SMG6: variants seen among roughly 807,000 people sequenced by gnomAD.
SMG6 encodes telomerase-binding protein EST1A.
Under a neutral mutation model 142.2 loss-of-function variants are expected in SMG6, and 66 were observed. That is an observed-to-expected ratio of 0.46 (90% CI 0.38 to 0.57). The LOEUF (loss-of-function observed/expected upper bound fraction) is 0.57. Among genes scored for constraint, SMG6 ranks in the 20% least tolerant of loss-of-function variants. The pLI, the probability that SMG6 is intolerant of heterozygous loss-of-function variation, is 0.00. For missense variants in SMG6, 1,793 were observed against 1,832.0 expected, an observed-to-expected ratio of 0.98 and a Z score of 0.39; for synonymous variants, 779 against 702.4, an observed-to-expected ratio of 1.11 and a Z score of -1.72.
At chr17:2,097,636 T>C (rs2068892161) in intron 13 of SMG6, among the ~76,000 whole-genome samples, 1 of 152,188 alleles carries the variant, frequency 6.6e-6, no homozygotes, top group Admixed American at 6.5e-5. Context: ...TCTGGGGCCA[T>C]GTAAAAAAAC....
intron 13 of SMG6, among the ~76,000 whole-genome samples, chr17:2,101,873 GCT>G (rs1293369375): frequency 6.6e-6 from 1 of 152,250 alleles, no homozygotes; most frequent in African/African-American, 2.4e-5. Flanking sequence ...AACTGCCACA[GCT>G]CTCCATGATC....
intron 13 of SMG6, among the ~76,000 whole-genome samples, chr17:2,095,515 C>G (rs1337549435): frequency 1.3e-5 from 2 of 152,180 alleles, no homozygotes; most frequent in Non-Finnish European, 2.9e-5. Context: ...GCACTGTCCT[C>G]CAGACCCTGG....
intron 9 of SMG6, among the ~76,000 whole-genome samples, chr17:2,241,680 C>T (rs1389578044): frequency 2.0e-5 from 3 of 152,156 alleles, no homozygotes; most frequent in South Asian, 4.1e-4. Context: ...CGTGAGCCAC[C>T]GCACCCGGTC....
intron 9 of SMG6, chr17:2,236,916 T>C: frequency 3.1e-6 from 3 of 954,790 alleles, no homozygotes; most frequent in Non-Finnish European, 2.6e-6. Flanking sequence ...GGTATGCTAT[T>C]TCCTCACCCC....
At chr17:2,262,252 A>G (rs1182747958) in intron 8 of SMG6, among the ~76,000 whole-genome samples, 2 of 152,238 alleles carry the variant, frequency 1.3e-5, no homozygotes. Context: ...TGGCTCAGAA[A>G]GCTTCCCAGA....
chr17:2,197,886 G>A (rs2072380407), intron 10 of SMG6, among the ~76,000 whole-genome samples: 1 of 152,208 alleles, frequency 6.6e-6, no homozygotes, highest in Non-Finnish European at 1.5e-5. Flanking sequence ...CTGATGGAAT[G>A]TAAAATGGTA....
chr17:2,236,928 G>C (rs2073677213), intron 9 of SMG6: 3 of 805,896 alleles, frequency 3.7e-6, no homozygotes, highest in Middle Eastern at 5.2e-4. Context: ...CCTCACCCCT[G>C]GCAATAACTG....
At chr17:2,297,092 T>C (rs75195880) in intron 4 of SMG6, 151 bp downstream of exon 4, 13,667 of 493,164 alleles carry the variant, frequency 0.028, 284 homozygotes, top group South Asian at 0.065. Flanking sequence ...CATATGACAT[T>C]ACAATTGTTG....
At chr17:2,142,509 C>A (rs1035598251) in intron 13 of SMG6, among the ~76,000 whole-genome samples, 1 of 142,172 alleles carries the variant, frequency 7.0e-6, no homozygotes, top group African/African-American at 2.7e-5. Context: ...TGAACTCCTA[C>A]AACTCAATGT....
chr17:2,100,032 T>C (rs1301067261), intron 13 of SMG6, among the ~76,000 whole-genome samples: 1 of 144,482 alleles, frequency 6.9e-6, no homozygotes, highest in Non-Finnish European at 1.5e-5. Flanking sequence ...CCAGGTAATT[T>C]TTATCTTTTT....
intron 13 of SMG6, among the ~76,000 whole-genome samples, chr17:2,121,579 ATGTC>A (rs1368653420): frequency 3.7e-4 from 31 of 84,908 alleles, no homozygotes; most frequent in South Asian, 2.7e-3. Flanking sequence ...ATATATGTAC[ATGTC>A]TGTCTGTGTG....
Position 2,089,376 on chromosome 17 carries a change from G to A in SMG6, c.3358-3475C>T, listed in dbSNP as rs564299226. ...CCAGGGAACACCCTGGGGAGCCTAC[G>A]GACCTCTCCTCTGCGGTGTACCTTC... On this transcript the variant is annotated intron_variant, in intron 13 of 18. Transcript: ENST00000263073. Among the ~76,000 whole-genome samples, 190 of 152,214 alleles carry A rather than the reference G, an allele frequency of 1.2e-3. 1 individual carries two copies. The highest frequency in any genetic ancestry group is 4.5e-3 in the African/African-American group (185 of 41,546).
At chr17:2,127,889 T>G in intron 13 of SMG6, 1 of 565,136 alleles carries the variant, frequency 1.8e-6, no homozygotes, top group South Asian at 1.4e-5. Flanking sequence ...GCCATATCTT[T>G]GTAGACGATG....
At chr17:2,066,694 C>CA (rs1555529728) in intron 16 of SMG6, among the ~76,000 whole-genome samples, 1 of 150,750 alleles carries the variant, frequency 6.6e-6, no homozygotes, top group South Asian at 2.1e-4. Flanking sequence ...CACACACACA[C>CA]AATGCCCATG....
Position 2,156,648 on chromosome 17 carries a change from G to GT in SMG6, c.3357+16009dup, listed in dbSNP as rs1002219520. ...AGCCTTTCCCTCCTGTCTCTGTTTT[G>GT]TTTTTTTTTGCTTGTTTGTTTTTTG... On this transcript the variant is annotated intron_variant, in intron 13 of 18. Transcript: ENST00000263073. Among the ~76,000 whole-genome samples the GT allele has an allele frequency of 3.5e-4, 53 of 149,812 alleles. 1 individual carries two copies. Among genetic ancestry groups the GT allele is most frequent in the South Asian group, 1.9e-3 (9 of 4,668 alleles).
rs1445518810 is a variant in SMG6, at chr17:2,081,808, A to T, written c.3681+2T>A. 1 of 1,613,074 alleles carries T rather than the reference A, an allele frequency of 6.2e-7. No individual in the cohort carries two copies. Among genetic ancestry groups the T allele is most frequent in the Non-Finnish European group, 8.5e-7 (1 of 1,180,018 alleles). On this transcript the variant is annotated splice_donor_variant, in intron 15 of 18. Coordinates refer to ENST00000263073, the MANE Select transcript of SMG6 (RefSeq NM_017575.5). LOFTEE classifies it high-confidence loss of function. ...GAACCACGCTCCCCAGGCCGACTTC[A>T]CCTGGATCTTTTCCTGGCGACGCTG...
At chr17:2,298,115 A>G (rs2075184388) in intron 2 of SMG6, 60 bp from the exon 3 acceptor site, 2 of 1,494,082 alleles carry the variant, frequency 1.3e-6, no homozygotes, top group Non-Finnish European at 1.8e-6. Context: ...GCTAGACTCA[A>G]GTTTTGAGAT....
chr17:2,070,756 C>A (rs1483487729), intron 15 of SMG6, among the ~76,000 whole-genome samples: 1 of 152,188 alleles, frequency 6.6e-6, no homozygotes, highest in Admixed American at 6.6e-5. Context: ...AGTCTTCCTA[C>A]TGATCTCACC....
chr17:2,226,632 C>T (rs1369695832), intron 10 of SMG6, among the ~76,000 whole-genome samples: 4 of 151,148 alleles, frequency 2.6e-5, no homozygotes, highest in Non-Finnish European at 5.9e-5. Context: ...GCTGGGCTCA[C>T]ACCTGTAATC....
Sources: gnomAD v4.1 joint callset for allele counts (sites outside exome capture counted in the v4.1 genomes callset) on GRCh38, gnomAD v4.1.1 for gene constraint, MANE v1.5 for transcripts, NCBI Gene and HGNC (gene_info 2026-07-23, HGNC 2026-07-21) for gene names.